CENATAC: variants seen among roughly 807,000 people sequenced by gnomAD.
CENATAC encodes the protein coiled-coil domain containing 84.
A neutral mutation model predicts 53.7 loss-of-function variants in CENATAC; 53 were observed. The observed-to-expected ratio is 0.99, with a 90% CI of 0.79 to 1.24. CENATAC has a LOEUF of 1.24. CENATAC is among the 50% of genes most tolerant of loss of function. CENATAC has a pLI of 0.00. For missense variants in CENATAC, 474 were observed against 417.8 expected (o/e 1.13, Z -1.17); for synonymous variants, 156 against 144.6 (o/e 1.08, Z -0.57).
chr11:119,015,522 C>CT lies in CENATAC; in HGVS notation c.939-13dup. The CT allele has an allele frequency of 6.2e-7, 1 of 1,613,696 alleles. No homozygotes were observed. The highest frequency in any genetic ancestry group is 1.7e-5 in the Admixed American group (1 of 60,016). On this transcript the variant is annotated splice_polypyrimidine_tract_variant and intron_variant, in intron 10 of 10. Coordinates refer to ENST00000334418, the MANE Select transcript of CENATAC (RefSeq NM_198489.3). ...GTCACCCTTCATCATCGTGTTAACC[C>CT]TTTATTTCCTTTCAGACATCAATTC...
chr11:119,000,258 C>A (rs979638713), intron 3 of CENATAC, among the ~76,000 whole-genome samples: 1 of 152,164 alleles, frequency 6.6e-6, no homozygotes, highest in Non-Finnish European at 1.5e-5. Context: ...TTTAAGTTGT[C>A]ATGTAATGAT....
At chr11:119,006,428 G>A (rs1478180350) in intron 3 of CENATAC, among the ~76,000 whole-genome samples, 1 of 152,118 alleles carries the variant, frequency 6.6e-6, no homozygotes, top group Admixed American at 6.5e-5. Context: ...AGTAGAGACG[G>A]GGTTTCACCT....
At chr11:119,000,822 C>G (rs997477568) in intron 3 of CENATAC, among the ~76,000 whole-genome samples, 1 of 151,968 alleles carries the variant, frequency 6.6e-6, no homozygotes, top group Non-Finnish European at 1.5e-5. Flanking sequence ...CCAGGCTGGT[C>G]TCGAACTTCT....
At chr11:119,011,064 G>A (rs1460329751) in intron 4 of CENATAC, 157 bp from the exon 5 acceptor site, 15 of 666,890 alleles carry the variant, frequency 2.2e-5, no homozygotes, top group African/African-American at 5.4e-5. Flanking sequence ...GATCTGACAG[G>A]AGCTCAGGCG....
At chr11:119,002,582 C>T (rs1942361174) in intron 3 of CENATAC, among the ~76,000 whole-genome samples, 1 of 151,996 alleles carries the variant, frequency 6.6e-6, no homozygotes, top group Non-Finnish European at 1.5e-5. Flanking sequence ...AAGTGATCCA[C>T]CTGACTCGGC....
intron 3 of CENATAC, 155 bp from the exon 4 acceptor site, chr11:119,010,609 A>C: frequency 1.6e-6 from 1 of 638,550 alleles, no homozygotes; most frequent in Non-Finnish European, 2.8e-6. Context: ...CAAAATGTTT[A>C]CAAGGACTCT....
rs1196110844 is a variant in CENATAC at position 118,999,093 on chromosome 11, C to T, written c.367C>T (p.Pro123Ser). ...GATGAAAGAGAAGTTTCTGGTCACTCCCCAGGATTATGCGCGGTGAGTCAC... is the reference window on the plus strand; with the variant it reads ...GATGAAAGAGAAGTTTCTGGTCACTTCCCAGGATTATGCGCGGTGAGTCAC... ...VQMKEKFLVT[P>S]QDYARFKKSM... is the part of the protein sequence containing the mutation. The change falls in exon 3 of 11, where the codon CCC becomes TCC. Residue 123 changes from proline to serine, a missense_variant. Pro to Ser is a moderately conservative substitution (Grantham distance 74). Coordinates refer to ENST00000334418, the MANE Select transcript of CENATAC (RefSeq NM_198489.3). 6.2e-6 allele frequency: 10 copies of T among 1,613,304 alleles called. No individual in the cohort carries two copies. In the Admixed American group the frequency reaches 6.7e-5, roughly 11 times the overall value.
intron 3 of CENATAC, among the ~76,000 whole-genome samples, chr11:119,008,205 C>T (rs967334238): frequency 1.3e-5 from 2 of 152,182 alleles, no homozygotes; most frequent in African/African-American, 4.8e-5. Flanking sequence ...AAAGAAACAA[C>T]GGTGGGTCCA....
chr11:119,003,274 A>T (rs1387359837), intron 3 of CENATAC: 1 of 528,578 alleles, frequency 1.9e-6, no homozygotes, highest in East Asian at 5.0e-5. Flanking sequence ...TGCTCTTAAG[A>T]TATTTGCACT....
chr11:119,009,243 C>T (rs1942753354), intron 3 of CENATAC, among the ~76,000 whole-genome samples: 1 of 152,154 alleles, frequency 6.6e-6, no homozygotes, highest in Admixed American at 6.6e-5. Flanking sequence ...ATTCTCGTCT[C>T]AGCCTCCCAA....
intron 3 of CENATAC, chr11:119,004,810 A>C (rs1942499475): frequency 6.5e-6 from 1 of 153,498 alleles, no homozygotes; most frequent in Non-Finnish European, 1.5e-5. Flanking sequence ...CTGTAATTCC[A>C]GCACTTTTGG....
In CENATAC at chr11:118,998,533, A is replaced by G. The variant is rs1592042225; in HGVS notation, c.224A>G (p.Glu75Gly). ...WCLCCGCEVR[E>G]HLSHGNLTVL... The stretch of plus-strand genomic sequence containing the variant: ...CTGTGCTGCGGCTGTGAGGTGCGGG[A>G]ACACCTGAGCCATGGAAACCTGACG... The change falls in exon 2 of 11, where the codon GAA (glutamate) becomes GGA (glycine). Residue 75 changes from glutamate (E) to glycine (G), a missense_variant. Glu to Gly is a moderately conservative substitution (Grantham distance 98, BLOSUM62 -2). Transcript: ENST00000334418. 1.2e-6 allele frequency: 2 copies of G among 1,603,506 alleles called. No homozygotes were observed. The highest frequency in any genetic ancestry group is 1.7e-6 in the Non-Finnish European group (2 of 1,174,954).
chr11:119,014,873 T>TG (rs1943074610), intron 8 of CENATAC, 121 bp from the exon 9 acceptor site: 1 of 633,318 alleles, frequency 1.6e-6, no homozygotes, highest in African/African-American at 1.9e-5. Flanking sequence ...CCAGAATTCC[T>TG]GGGCTTTGCT....
chr11:119,001,836 A>T (rs1468615261), intron 3 of CENATAC: 4 of 350,678 alleles, frequency 1.1e-5, no homozygotes, highest in Non-Finnish European at 2.3e-5. Context: ...GTAAGAGGAT[A>T]GCTTGAGCCC....
At chr11:119,015,259 C>G in intron 9 of CENATAC, 48 bp from the exon 10 acceptor site, 1 of 1,551,828 alleles carries the variant, frequency 6.4e-7, no homozygotes, top group Non-Finnish European at 8.7e-7. Flanking sequence ...GACCCCATCT[C>G]TATATTCTTC....
In CENATAC at chr11:119,015,292, C is replaced by T. The variant is rs782387137; in HGVS notation, c.806-15C>T. Reference sequence around the variant, plus strand: ...TTCAATAAAGAAAAATAAAAGTTTCCCTATCATTGTACAGAGGAAAAACAG... The same window carrying T: ...TTCAATAAAGAAAAATAAAAGTTTCTCTATCATTGTACAGAGGAAAAACAG... On this transcript the variant is annotated splice_polypyrimidine_tract_variant and intron_variant, in intron 9 of 10. Coordinates refer to ENST00000334418, the MANE Select transcript of CENATAC (RefSeq NM_198489.3). 16 of 1,591,566 alleles carry T rather than the reference C, an allele frequency of 1.0e-5. No individual in the cohort carries two copies. In the Admixed American group the frequency reaches 2.1e-4, roughly 20 times the overall value.
intron 8 of CENATAC, 61 bp downstream of exon 8, chr11:119,013,323 G>C: frequency 1.5e-6 from 2 of 1,292,636 alleles, no homozygotes; most frequent in Non-Finnish European, 1.1e-6. Context: ...TTGAGATGGA[G>C]TCTTGTTCTG....
intron 3 of CENATAC, chr11:119,003,259 G>T: frequency 1.9e-6 from 1 of 530,752 alleles, no homozygotes; most frequent in Non-Finnish European, 3.7e-6. Context: ...TGTTTCTCCT[G>T]GGGGTGCTCT....
chr11:119,002,620 G>A (rs1243363343), intron 3 of CENATAC, among the ~76,000 whole-genome samples: 4 of 151,630 alleles, frequency 2.6e-5, no homozygotes, highest in African/African-American at 9.7e-5. Context: ...TTACAGGCAT[G>A]AGCCACCACA....
Sources: allele counts gnomAD v4.1 joint callset (sites outside exome capture counted in the v4.1 genomes callset), GRCh38; gene constraint gnomAD v4.1.1; transcripts MANE v1.5; gene names NCBI Gene and HGNC (gene_info 2026-07-23, HGNC 2026-07-21).